CDC34: variants seen among roughly 807,000 people sequenced by gnomAD.
CDC34 encodes cell division cycle 34, ubiquitin conjugating enzyme.
CDC34 carries 18 observed loss-of-function variants against 26.8 expected under a neutral mutation model. That is an observed-to-expected ratio of 0.67 (90% confidence interval 0.47 to 1.00). The LOEUF (loss-of-function observed/expected upper bound fraction) is 1.00, where lower values mean the gene tolerates loss of function less well. Among genes scored for constraint, CDC34 ranks in the 50% least tolerant of loss-of-function variants. The probability of loss-of-function intolerance (pLI) is 0.00; values close to 1 mark genes in which losing one functional copy is unlikely to be tolerated. For synonymous variants in CDC34, 178 were observed against 147.5 expected (o/e 1.21, Z -1.50); for missense variants, 280 against 334.5 (o/e 0.84, Z 1.27).
chr19:532,873 C>G (rs1285690912), intron 1 of CDC34, among the ~76,000 whole-genome samples: 5 of 152,250 alleles, frequency 3.3e-5, no homozygotes, highest in Non-Finnish European at 7.3e-5. Flanking sequence ...GTCCCGGACC[C>G]CGACCTCAGA....
Position 541,474 on chromosome 19 carries a change from C to T in CDC34, c.633C>T (p.Tyr211=), listed in dbSNP as rs1360855924. The T allele has an allele frequency of 8.1e-6, 13 of 1,611,980 alleles. No individual in the cohort carries two copies. The highest frequency in any genetic ancestry group is 4.5e-5 in the East Asian group (2 of 44,848). The change falls in exon 5 of 5, where the codon TAC becomes TAT. Residue 211 remains tyrosine (Y), a synonymous_variant. Coordinates refer to ENST00000215574, the MANE Select transcript of CDC34 (RefSeq NM_004359.2). The part of the protein sequence containing the change: ...EGSDLFYDDY[Y]EDGEVEEEAD... ...CAGACCTCTTCTACGACGACTACTACGAGGACGGCGAGGTGGAGGAGGAGG... is the reference window on the plus strand; with the variant it reads ...CAGACCTCTTCTACGACGACTACTATGAGGACGGCGAGGTGGAGGAGGAGG...
intron 1 of CDC34, among the ~76,000 whole-genome samples, chr19:534,207 AG>A (rs1979621061): frequency 6.6e-6 from 1 of 152,110 alleles, no homozygotes; most frequent in African/African-American, 2.4e-5. Context: ...ACCGCAGGAC[AG>A]TTCTGAGACT....
At chr19:532,130 C>G in intron 1 of CDC34, 22 bp downstream of exon 1, 12 of 1,478,314 alleles carry the variant, frequency 8.1e-6, no homozygotes, top group African/African-American at 1.5e-5. Context: ...GACCCCCGCC[C>G]GGGTCCCGGA....
At position 531,924 on chromosome 19, in the gene CDC34, C is replaced by T. The variant is rs1392356242; in HGVS notation, c.-8C>T. On this transcript the variant is annotated 5_prime_UTR_variant, in exon 1 of 5. Transcript: ENST00000215574. ...GCTGCTCCGACCCCGGGCCCCTCCG[C>T]CGCCGCCATGGCTCGGCCGCTAGTG... 6 of 1,415,594 alleles carry T rather than the reference C, an allele frequency of 4.2e-6. No individual in the cohort carries two copies. Among genetic ancestry groups the T allele is most frequent in the Non-Finnish European group, 5.5e-6 (6 of 1,089,306 alleles). 87.7% of individuals were successfully genotyped at this position (1,415,594 alleles called of 1,614,324 possible).
chr19:541,393 C>T lies in CDC34; in HGVS notation c.552C>T (p.Pro184=), dbSNP rs1980006804. The change falls in exon 5 of 5, where the codon CCC becomes CCT. Residue 184 remains proline, a synonymous_variant. Coordinates refer to ENST00000215574, the MANE Select transcript of CDC34 (RefSeq NM_004359.2). ...CGGAGCGTGACGGCGTGAAGGTGCC[C>T]ACCACGCTGGCCGAGTACTGCGTGA... is the stretch of plus-strand genomic sequence containing the variant. The part of the protein sequence containing the change: ...VDAERDGVKV[P]TTLAEYCVKT... 6.2e-7 allele frequency: 1 copy of T among 1,610,742 alleles called. No individual in the cohort carries two copies. The highest frequency in any genetic ancestry group is 8.5e-7 in the Non-Finnish European group (1 of 1,179,432).
chr19:537,324 C>T (rs1460514391), intron 4 of CDC34, among the ~76,000 whole-genome samples, 177 bp downstream of exon 4: 2 of 152,110 alleles, frequency 1.3e-5, no homozygotes, highest in African/African-American at 4.8e-5. Flanking sequence ...AGGGTCCAGC[C>T]AGGTTCAAGC....
intron 4 of CDC34, among the ~76,000 whole-genome samples, chr19:537,734 C>A (rs1979827793): frequency 6.9e-6 from 1 of 145,356 alleles, no homozygotes; most frequent in South Asian, 2.2e-4. Flanking sequence ...CGGCTCACTG[C>A]AGCCTCCACT....
intron 4 of CDC34, among the ~76,000 whole-genome samples, chr19:540,779 C>T (rs1979972136): frequency 1.3e-5 from 1 of 77,710 alleles, no homozygotes. Context: ...GTTTAGAATC[C>T]AGAGGCTGGG....
intron 4 of CDC34, chr19:538,907 G>T: frequency 1.0e-6 from 1 of 985,204 alleles, no homozygotes; most frequent in Non-Finnish European, 1.2e-6. Context: ...CGGTGGCCCC[G>T]GTCCGGTCGT....
At chr19:541,245 G>A (rs1394895074) in intron 4 of CDC34, 94 bp from the exon 5 acceptor site, 1 of 1,425,618 alleles carries the variant, frequency 7.0e-7, no homozygotes, top group East Asian at 2.5e-5. Flanking sequence ...AGAAACCTGA[G>A]CGTTGGGGTG....
Position 535,954 on chromosome 19 carries a change from T to C in CDC34, c.264+31T>C, listed in dbSNP as rs760650089. On this transcript the variant is annotated intron_variant, in intron 2 of 4. Transcript: ENST00000215574. ...CGCGGCCCCCACGGGCCTCAAGTCC[T>C]CATCCTCCGGGACCCAGGGTGCTGG... 28 of 1,590,846 alleles carry C rather than the reference T, an allele frequency of 1.8e-5. No homozygotes were observed. The Admixed American group carries it at 4.7e-4, about 27-fold the overall frequency.
chr19:536,474 A>T (rs1177082558), intron 3 of CDC34, 134 bp downstream of exon 3: 2 of 681,302 alleles, frequency 2.9e-6, no homozygotes, highest in Non-Finnish European at 5.0e-6. Flanking sequence ...GGGACCTGCC[A>T]GCTGGCGGTC....
intron 4 of CDC34, among the ~76,000 whole-genome samples, chr19:539,824 C>A (rs888744339): frequency 6.6e-6 from 1 of 152,210 alleles, no homozygotes; most frequent in Admixed American, 6.5e-5. Context: ...TGACGCGTGT[C>A]CTGGAGGTGG....
In CDC34 at chr19:541,595, GACC is replaced by G. The variant is rs762501839; in HGVS notation, c.*44_*46del. The G allele has an allele frequency of 6.6e-7, 1 of 1,519,596 alleles. No homozygotes were observed. The highest frequency in any genetic ancestry group is 1.8e-4 in the Middle Eastern group (1 of 5,620). 94.1% of individuals were successfully genotyped at this position (1,519,596 alleles called of 1,614,324 possible). A position where few individuals can be genotyped will look rare whatever the true frequency, so the allele number is the denominator to read the frequency against. On this transcript the variant is annotated 3_prime_UTR_variant, in exon 5 of 5. Coordinates refer to ENST00000215574, the MANE Select transcript of CDC34 (RefSeq NM_004359.2). ...TGCCGAGTTTACCTCACTAGGGCCGGACCCGTGGCTCCTTAGACGACAGACTAC... is the reference window on the plus strand; with the variant it reads ...TGCCGAGTTTACCTCACTAGGGCCGGCGTGGCTCCTTAGACGACAGACTAC...
intron 1 of CDC34, among the ~76,000 whole-genome samples, chr19:532,734 G>A (rs1023338427): frequency 1.3e-5 from 2 of 152,244 alleles, no homozygotes; most frequent in African/African-American, 4.8e-5. Flanking sequence ...CTTGCCAGTA[G>A]CAGCCGGCCA....
At chr19:534,409 A>C (rs1451847153) in intron 1 of CDC34, among the ~76,000 whole-genome samples, 66 of 131,138 alleles carry the variant, frequency 5.0e-4, no homozygotes, top group African/African-American at 1.7e-3. Context: ...ACAATCCAAG[A>C]CCCCCGAGTA....
At chr19:538,525 C>T (rs1053570047) in intron 4 of CDC34, among the ~76,000 whole-genome samples, 2 of 112,582 alleles carry the variant, frequency 1.8e-5, no homozygotes, top group East Asian at 3.1e-4. Context: ...CATAGAGGCC[C>T]TTCCTATCCA....
At chr19:534,462 G>GACCTCGCCCACGATCCAAGACCCCCTGTA (rs1568329500) in intron 1 of CDC34, among the ~76,000 whole-genome samples, 5 of 44,892 alleles carry the variant, frequency 1.1e-4, no homozygotes, top group African/African-American at 1.5e-4. Flanking sequence ...GACCCCCTGA[G>GACCTCGCCCACGATCCAAGACCCCCTGTA]TGCCCTCCCT....
chr19:537,416 G>C (rs186064309), intron 4 of CDC34, among the ~76,000 whole-genome samples: 1 of 152,044 alleles, frequency 6.6e-6, no homozygotes, highest in African/African-American at 2.4e-5. Context: ...GCAGTGGCGC[G>C]ATCTCGGCTC....
Sources: gnomAD v4.1 joint callset for allele counts (sites outside exome capture counted in the v4.1 genomes callset) on GRCh38, gnomAD v4.1.1 for gene constraint, MANE v1.5 for transcripts, NCBI Gene and HGNC (gene_info 2026-07-23, HGNC 2026-07-21) for gene names.